OR2T6: variants seen among roughly 807,000 people sequenced by gnomAD.
OR2T6 encodes the protein olfactory receptor family 2 subfamily T member 6, also known as olfactory receptor 2T6.
For missense variants in OR2T6, 424 were observed against 391.6 expected (o/e 1.08, Z -0.70); for synonymous variants, 174 against 148.0 (o/e 1.18, Z -1.27).
chr1:248,387,892 TC>T lies in OR2T6; in HGVS notation c.285del (p.Ile95MetfsTer49). 1 of 1,596,164 alleles carries T rather than the reference TC, an allele frequency of 6.3e-7. No individual in the cohort carries two copies. The highest frequency in any genetic ancestry group is 1.1e-5 in the South Asian group (1 of 88,370). ...ATGGGCGAGGGGACCATCTCTTTCATCGCCTGCACTGCTCAGTGCTTTCTCT... is the reference window on the plus strand; with the variant it reads ...ATGGGCGAGGGGACCATCTCTTTCATGCCTGCACTGCTCAGTGCTTTCTCT... ...YLMGEGTISF[I>X]ACTAQCFLYM... On this transcript the variant is annotated frameshift_variant, in exon 3 of 3. Coordinates refer to ENST00000641644, the MANE Select transcript of OR2T6 (RefSeq NM_001005471.2). LOFTEE classifies it low-confidence loss of function (END_TRUNC).
rs780933905 is a variant in OR2T6 at position 248,387,803 on chromosome 1, C to T, written c.195C>T (p.His65=). 3 of 1,610,288 alleles carry T rather than the reference C, an allele frequency of 1.9e-6. No individual in the cohort carries two copies. Among genetic ancestry groups the T allele is most frequent in the Non-Finnish European group, 8.5e-7 (1 of 1,177,046 alleles). Residue 65 remains histidine, a synonymous_variant, in exon 3 of 3, where the codon CAC becomes CAT. Transcript: ENST00000641644. ...CCCCCATGTACTTCCTCCTCAGCCA[C>T]CTCTCCGTCATTGACACATTATACA... The part of the protein sequence containing the change: ...LHTPMYFLLS[H]LSVIDTLYIS...
chr1:248,381,582 C>G (rs1011534260), intron 1 of OR2T6, among the ~76,000 whole-genome samples: 3 of 151,558 alleles, frequency 2.0e-5, no homozygotes, highest in Non-Finnish European at 4.4e-5. Context: ...ATTCCATTTT[C>G]AGACCCTGTT....
At chr1:248,376,918 A>T (rs992519592) in intron 1 of OR2T6, among the ~76,000 whole-genome samples, 4 of 152,244 alleles carry the variant, frequency 2.6e-5, no homozygotes, top group African/African-American at 9.6e-5. Context: ...TAAAACAAAC[A>T]TCACTTTCTT....
At position 248,388,737 on chromosome 1, in the gene OR2T6, G is replaced by C; in HGVS notation, c.*202G>C. ...ACAGTCACACACAAATAATGCCAGA[G>C]TTCTAGAAACACCACTCATGTTTAT... is the stretch of plus-strand genomic sequence containing the variant. On this transcript the variant is annotated 3_prime_UTR_variant, in exon 3 of 3. Coordinates refer to ENST00000641644, the MANE Select transcript of OR2T6 (RefSeq NM_001005471.2). The C allele has an allele frequency of 2.2e-6, 1 of 462,972 alleles. No individual in the cohort carries two copies. The highest frequency in any genetic ancestry group is 3.8e-6 in the Non-Finnish European group (1 of 264,462). 28.7% of individuals were successfully genotyped at this position (462,972 alleles called of 1,614,324 possible). A position where few individuals can be genotyped will look rare whatever the true frequency, so the allele number is the denominator to read the frequency against.
chr1:248,378,004 T>C (rs1453666036), intron 1 of OR2T6, among the ~76,000 whole-genome samples: 1 of 152,168 alleles, frequency 6.6e-6, no homozygotes, highest in Non-Finnish European at 1.5e-5. Flanking sequence ...ATAATGTAAA[T>C]TGAGCAATGT....
Position 248,383,749 on chromosome 1 carries a change from G to C in OR2T6, c.-158-962G>C, listed in dbSNP as rs111335347. Among the ~76,000 whole-genome samples the C allele has an allele frequency of 1.9e-4, 9 of 47,566 alleles. 1 individual carries two copies. The highest frequency in any genetic ancestry group is 1.4e-3 in the African/African-American group (8 of 5,786). The allele number at this position is 47,566 out of a possible 152,430, so 31.2% of individuals were successfully genotyped here. A position where few individuals can be genotyped will look rare whatever the true frequency, so the allele number is the denominator to read the frequency against. The stretch of plus-strand genomic sequence containing the variant: ...TCGTCATGGAGAAAGCACTGCACTA[G>C]CCTGAGTGTGCTCATCCTATCCTGA... On this transcript the variant is annotated intron_variant, in intron 1 of 2. Coordinates refer to ENST00000641644, the MANE Select transcript of OR2T6 (RefSeq NM_001005471.2).
chr1:248,378,927 C>A (rs1216187727), intron 1 of OR2T6, among the ~76,000 whole-genome samples: 2 of 152,050 alleles, frequency 1.3e-5, no homozygotes, highest in African/African-American at 2.4e-5. Flanking sequence ...AATCCCAATA[C>A]TTTGGGAGAC....
intron 2 of OR2T6, among the ~76,000 whole-genome samples, chr1:248,385,560 G>A (rs1356815326): frequency 1.3e-5 from 2 of 152,130 alleles, no homozygotes; most frequent in Non-Finnish European, 2.9e-5. Context: ...TTCCTCTAAT[G>A]GCAATTATTT....
At chr1:248,376,293 G>A (rs1660938107) in intron 1 of OR2T6, among the ~76,000 whole-genome samples, 1 of 152,212 alleles carries the variant, frequency 6.6e-6, no homozygotes, top group Non-Finnish European at 1.5e-5. Flanking sequence ...AATTTTGGTG[G>A]AGGTATGAGT....
chr1:248,386,882 A>C (rs28483175), intron 2 of OR2T6, among the ~76,000 whole-genome samples: 30,796 of 152,192 alleles, frequency 0.2, 3,462 homozygotes, highest in East Asian at 0.43. Flanking sequence ...ACCTGGAACC[A>C]TGGTTCCCAC....
chr1:248,388,895 T>C lies in OR2T6; in HGVS notation c.*360T>C, dbSNP rs762657381. 5.1e-5 allele frequency: 12 copies of C among 233,798 alleles called. No homozygotes were observed. The highest frequency in any genetic ancestry group is 9.0e-5 in the Non-Finnish European group (11 of 121,720). The allele number at this position is 233,798 out of a possible 1,614,324, so 14.5% of individuals were successfully genotyped here. A position where few individuals can be genotyped will look rare whatever the true frequency, so the allele number is the denominator to read the frequency against. On this transcript the variant is annotated 3_prime_UTR_variant, in exon 3 of 3. Transcript: ENST00000641644. ...CCATTTTCAATGGCTCCATAAGAAC[T>C]GGTGATTTTGACTATATTGTTTAAA...
chr1:248,381,600 T>C (rs1285315814), intron 1 of OR2T6, among the ~76,000 whole-genome samples: 1 of 148,482 alleles, frequency 6.7e-6, no homozygotes, highest in African/African-American at 2.6e-5. Flanking sequence ...GTTTTCTGTA[T>C]AGACAGAGAT....
intron 1 of OR2T6, among the ~76,000 whole-genome samples, chr1:248,376,878 G>A (rs998498721): frequency 3.3e-5 from 5 of 152,052 alleles, no homozygotes; most frequent in Non-Finnish European, 7.4e-5. Flanking sequence ...TAAATGTTGA[G>A]CTCTTATTCA....
chr1:248,389,514 T>C lies in OR2T6; in HGVS notation c.*979T>C, dbSNP rs578151927. On this transcript the variant is annotated 3_prime_UTR_variant, in exon 3 of 3. Transcript: ENST00000641644. ...CTGGAAACCCTTGTAAATGACTTAG[T>C]GTCATGAGCGGTGCAAAGTTAGAAA... 51 of 152,312 alleles carry C rather than the reference T, an allele frequency of 3.3e-4. No homozygotes were observed. Among genetic ancestry groups the C allele is most frequent in the African/African-American group, 1.2e-3 (50 of 41,564 alleles). The allele number at this position is 152,312 out of a possible 1,614,324, so 9.4% of individuals were successfully genotyped here.
rs992812448 is a variant in OR2T6 at position 248,389,453 on chromosome 1, G to A, written c.*918G>A. 1 of 152,204 alleles carries A rather than the reference G, an allele frequency of 6.6e-6. No homozygotes were observed. Among genetic ancestry groups the A allele is most frequent in the African/African-American group, 2.4e-5 (1 of 41,448 alleles). The allele number at this position is 152,204 out of a possible 1,614,324, so 9.4% of individuals were successfully genotyped here. A position where few individuals can be genotyped will look rare whatever the true frequency, so the allele number is the denominator to read the frequency against. ...TGCATTGGATAGCATTGCAAAGTGGGAAGGAAATACCCAGCTTTTCATGTG... is the reference window on the plus strand; with the variant it reads ...TGCATTGGATAGCATTGCAAAGTGGAAAGGAAATACCCAGCTTTTCATGTG... On this transcript the variant is annotated 3_prime_UTR_variant, in exon 3 of 3. Transcript: ENST00000641644.
intron 1 of OR2T6, among the ~76,000 whole-genome samples, chr1:248,382,467 T>A (rs1358216020): frequency 1.3e-5 from 2 of 152,146 alleles, no homozygotes; most frequent in Non-Finnish European, 2.9e-5. Flanking sequence ...AAATCACTCT[T>A]TTTAAAACAC....
At position 248,388,507 on chromosome 1, in the gene OR2T6, C is replaced by T; in HGVS notation, c.899C>T (p.Ala300Val). The change falls in exon 3 of 3, where the codon GCC becomes GTC. Residue 300 changes from alanine (A) to valine (V), a missense_variant. By Grantham distance (64) the Ala-to-Val change is moderately conservative. Coordinates refer to ENST00000641644, the MANE Select transcript of OR2T6 (RefSeq NM_001005471.2). ...YSLRNRDVMG[A>V]LKRVVARC The stretch of plus-strand genomic sequence containing the variant: ...CTGAGGAACAGGGATGTGATGGGTG[C>T]CTTGAAGAGAGTTGTGGCAAGATGT... The T allele has an allele frequency of 6.3e-7, 1 of 1,580,072 alleles. No homozygotes were observed. Among genetic ancestry groups the T allele is most frequent in the Non-Finnish European group, 8.6e-7 (1 of 1,164,538 alleles).
intron 1 of OR2T6, among the ~76,000 whole-genome samples, chr1:248,378,743 A>T (rs1181340971): frequency 6.6e-6 from 1 of 152,224 alleles, no homozygotes; most frequent in Non-Finnish European, 1.5e-5. Flanking sequence ...CAAATTTATA[A>T]TCATTTTGAC....
At chr1:248,386,215 C>A (rs1337710108) in intron 2 of OR2T6, among the ~76,000 whole-genome samples, 1 of 152,158 alleles carries the variant, frequency 6.6e-6, no homozygotes, top group Non-Finnish European at 1.5e-5. Context: ...GAGTGTTAAA[C>A]CTGATGAGGA....
Sources: allele counts gnomAD v4.1 joint callset (sites outside exome capture counted in the v4.1 genomes callset), GRCh38; gene constraint gnomAD v4.1.1; transcripts MANE v1.5; gene names NCBI Gene and HGNC (gene_info 2026-07-23, HGNC 2026-07-21).